GIT2: variants seen among roughly 807,000 people sequenced by gnomAD.
GIT2 encodes the protein ARF GTPase-activating protein GIT2.
GIT2 carries 32 observed loss-of-function variants against 100.3 expected under a neutral mutation model. The observed-to-expected ratio is 0.32, with a 90% CI of 0.24 to 0.43. GIT2 has a LOEUF of 0.43. Among genes scored for constraint, GIT2 ranks in the 20% least tolerant of loss-of-function variants. The probability of loss-of-function intolerance (pLI) is 1.00; values close to 1 mark genes in which losing one functional copy is unlikely to be tolerated. For missense variants in GIT2, 737 were observed against 975.1 expected (o/e 0.76, Z 3.25); for synonymous variants, 353 against 364.1 (o/e 0.97, Z 0.35).
intron 2 of GIT2, among the ~76,000 whole-genome samples, chr12:109,991,008 C>T (rs1888252876): frequency 6.6e-6 from 1 of 152,102 alleles, no homozygotes; most frequent in South Asian, 2.1e-4. Flanking sequence ...CATTATCATG[C>T]ATAGAAAAGA....
In GIT2 at chr12:109,934,239, G is replaced by T; in HGVS notation, c.2004-154C>A. On this transcript the variant is annotated intron_variant, in intron 18 of 19. Transcript: ENST00000355312. The surrounding 1 kb of genome is among the most constrained non-coding windows in gnomAD (Gnocchi z 4.5). ...ATCCCACACCACCAGAGGGCACATG[G>T]TTATAAAGCAGGACTCTCATTGCTT... The T allele has an allele frequency of 3.3e-6, 2 of 614,380 alleles. No homozygotes were observed. Among genetic ancestry groups the T allele is most frequent in the South Asian group, 3.8e-5 (2 of 52,700 alleles). The allele number at this position is 614,380 out of a possible 1,614,324, so 38.1% of individuals were successfully genotyped here.
At chr12:109,977,172 T>C (rs941926002) in intron 7 of GIT2, among the ~76,000 whole-genome samples, 3 of 152,184 alleles carry the variant, frequency 2.0e-5, no homozygotes, top group Admixed American at 6.5e-5. Context: ...CACAGCTCTT[T>C]TCTTTTAGCA....
At chr12:109,936,803 G>A (rs560800435) in intron 18 of GIT2, among the ~76,000 whole-genome samples, 27 of 151,842 alleles carry the variant, frequency 1.8e-4, no homozygotes, top group African/African-American at 5.3e-4. Flanking sequence ...CAAGGAGGCG[G>A]AAGTTGCAGT....
intron 9 of GIT2, among the ~76,000 whole-genome samples, chr12:109,965,044 A>C (rs1881985702): frequency 6.6e-6 from 1 of 152,216 alleles, no homozygotes; most frequent in Non-Finnish European, 1.5e-5. Flanking sequence ...TTAACAGCAG[A>C]AATTTAAAAA....
chr12:109,953,657 G>C (rs77056716), intron 12 of GIT2: 2,524 of 155,368 alleles, frequency 0.016, 36 homozygotes, highest in South Asian at 0.051. Context: ...AAAACAAAAT[G>C]AACAAGGACT....
intron 2 of GIT2, 45 bp from the exon 3 acceptor site, chr12:109,989,847 A>G (rs370164544): frequency 3.3e-5 from 32 of 969,282 alleles, no homozygotes; most frequent in Non-Finnish European, 5.4e-5. Context: ...TCTTTTCACA[A>G]ATATTCAATG....
At chr12:109,937,298 G>A (rs941184296) in intron 18 of GIT2, among the ~76,000 whole-genome samples, 8 of 152,168 alleles carry the variant, frequency 5.3e-5, no homozygotes, top group Non-Finnish European at 1.2e-4. Flanking sequence ...AGGCCCAGAT[G>A]CATGTTTGTG....
rs200574747 is a variant in GIT2 at position 109,988,952 on chromosome 12, G to A, written c.405+11C>T. On this transcript the variant is annotated intron_variant, in intron 4 of 19. Coordinates refer to ENST00000355312, the MANE Select transcript of GIT2 (RefSeq NM_057169.5). ...CCCGCTCTTTTAGGGATTTTAAAAG[G>A]TGTGACCCACCTTGCTAAGATCTTT... is the stretch of plus-strand genomic sequence containing the variant. 2.1e-5 allele frequency: 31 copies of A among 1,500,812 alleles called. No individual in the cohort carries two copies. Among genetic ancestry groups the A allele is most frequent in the Admixed American group, 1.0e-4 (6 of 59,702 alleles). 93.0% of individuals were successfully genotyped at this position (1,500,812 alleles called of 1,614,324 possible).
chr12:109,945,859 G>T (rs12424824), intron 15 of GIT2, among the ~76,000 whole-genome samples: 26,574 of 152,092 alleles, frequency 0.17, 3,073 homozygotes, highest in Admixed American at 0.29. Context: ...CTTAGGGTGG[G>T]CATGGTAGCT....
chr12:109,976,122 A>AC (rs56804188), intron 7 of GIT2, among the ~76,000 whole-genome samples: 7,593 of 151,052 alleles, frequency 0.05, 261 homozygotes, highest in East Asian at 0.11. Context: ...ACACACACAC[A>AC]AACACACACA....
rs941795501 is a variant in GIT2, at chr12:109,983,515, T to C, written c.493-12A>G. On this transcript the variant is annotated splice_polypyrimidine_tract_variant and intron_variant, in intron 5 of 19. Transcript: ENST00000355312. ...GTGTTTCCTTTTTCCTAAGAATCATTAATAAAAAGTAGGCAAAAGAGCACA... is the reference window on the plus strand; with the variant it reads ...GTGTTTCCTTTTTCCTAAGAATCATCAATAAAAAGTAGGCAAAAGAGCACA... 3 of 1,612,742 alleles carry C rather than the reference T, an allele frequency of 1.9e-6. No individual in the cohort carries two copies. The highest frequency in any genetic ancestry group is 2.2e-5 in the South Asian group (2 of 90,962).
chr12:109,981,248 C>T lies in GIT2; in HGVS notation c.624-202G>A. ...ACTGTTTTCACCATCTGAACTATCGCCTTTCCTTTATTAAGGCCAAAATAG... is the reference window on the plus strand; with the variant it reads ...ACTGTTTTCACCATCTGAACTATCGTCTTTCCTTTATTAAGGCCAAAATAG... On this transcript the variant is annotated intron_variant, in intron 6 of 19. Transcript: ENST00000355312. 10 of 488,236 alleles carry T rather than the reference C, an allele frequency of 2.0e-5. No individual in the cohort carries two copies. In the South Asian group the frequency reaches 2.4e-4, roughly 12 times the overall value. The allele number at this position is 488,236 out of a possible 1,614,324, so 30.2% of individuals were successfully genotyped here.
intron 16 of GIT2, among the ~76,000 whole-genome samples, chr12:109,944,825 T>TAA (rs200126475): frequency 6.0e-5 from 8 of 134,228 alleles, no homozygotes; most frequent in Admixed American, 7.4e-5. Context: ...TGTCACAGGT[T>TAA]AAAAAAAAAA....
chr12:109,955,568 T>A (rs1221714368), intron 12 of GIT2, among the ~76,000 whole-genome samples: 2 of 152,224 alleles, frequency 1.3e-5, no homozygotes, highest in Non-Finnish European at 2.9e-5. Context: ...TAGTATTGAT[T>A]CATTAACATT....
chr12:109,954,398 G>C (rs530784606), intron 12 of GIT2: 17 of 152,300 alleles, frequency 1.1e-4, no homozygotes, highest in Non-Finnish European at 2.2e-4. Flanking sequence ...ATACACATGT[G>C]CATGTTACAG....
chr12:109,931,943 C>T lies in GIT2; in HGVS notation c.*1035G>A, dbSNP rs530604204. 36 of 152,216 alleles carry T rather than the reference C, an allele frequency of 2.4e-4. No individual in the cohort carries two copies. The highest frequency in any genetic ancestry group is 8.2e-4 in the African/African-American group (34 of 41,498). The allele number at this position is 152,216 out of a possible 1,614,324, so 9.4% of individuals were successfully genotyped here. On this transcript the variant is annotated 3_prime_UTR_variant, in exon 20 of 20. Coordinates refer to ENST00000355312, the MANE Select transcript of GIT2 (RefSeq NM_057169.5). ...GAGGAGAAACTAACTCAGATGACTG[C>T]GATACGATACATCTTTCCTTATAAG...
chr12:109,948,699 G>T lies in GIT2; in HGVS notation c.1393-1195C>A. On this transcript the variant is annotated intron_variant, in intron 14 of 19. Coordinates refer to ENST00000355312, the MANE Select transcript of GIT2 (RefSeq NM_057169.5). This position sits in a 1 kb window ranked among gnomAD's most constrained non-coding sequence, Gnocchi z 4.3. ...CCAAGGTTTAAGTCCACAAGCAACT[G>T]TTTGCACCAGAAGATCATTACTTTT... 2.0e-6 allele frequency: 3 copies of T among 1,464,512 alleles called. No individual in the cohort carries two copies. The highest frequency in any genetic ancestry group is 5.0e-5 in the East Asian group (2 of 39,866). 90.7% of individuals were successfully genotyped at this position (1,464,512 alleles called of 1,614,324 possible). A position where few individuals can be genotyped will look rare whatever the true frequency, so the allele number is the denominator to read the frequency against.
At chr12:109,945,855 G>T (rs115868070) in intron 15 of GIT2, among the ~76,000 whole-genome samples, 10,710 of 151,994 alleles carry the variant, frequency 0.07, 626 homozygotes, top group African/African-American at 0.15. Context: ...TTAACTTAGG[G>T]TGGGCATGGT....
chr12:109,961,559 T>C, intron 10 of GIT2, 54 bp downstream of exon 10: 1 of 1,187,410 alleles, frequency 8.4e-7, no homozygotes, highest in Non-Finnish European at 1.3e-6. Flanking sequence ...GCCTGGCAGC[T>C]TTTCACTGCC....
Sources: gnomAD v4.1 joint callset for allele counts (sites outside exome capture counted in the v4.1 genomes callset) on GRCh38, gnomAD v4.1.1 for gene constraint, Gnocchi (gnomAD v3.1) non-coding constraint, MANE v1.5 for transcripts, NCBI Gene and HGNC (gene_info 2026-07-23, HGNC 2026-07-21) for gene names.